Variants in CARNMT1 observed in about 807,000 individuals in gnomAD.
The protein encoded by CARNMT1 is carnosine N-methyltransferase 1.
Under a neutral mutation model 49.6 loss-of-function variants are expected in CARNMT1, and 28 were observed. The ratio of observed to expected loss-of-function variants is 0.56; its 90% confidence interval spans 0.42 to 0.77. The LOEUF (loss-of-function observed/expected upper bound fraction) is 0.77. Among genes scored for constraint, CARNMT1 ranks in the 30% least tolerant of loss-of-function variants. The probability of loss-of-function intolerance (pLI) is 0.00; values close to 1 mark genes in which losing one functional copy is unlikely to be tolerated. For missense variants in CARNMT1, 421 were observed against 512.6 expected (o/e 0.82, Z 1.73); for synonymous variants, 178 against 175.0 (o/e 1.02, Z -0.13).
At chr9:74,986,440 T>C (rs905943886) in intron 6 of CARNMT1, among the ~76,000 whole-genome samples, 9 of 152,226 alleles carry the variant, frequency 5.9e-5, no homozygotes, top group African/African-American at 2.2e-4. Flanking sequence ...AAATTTGTTA[T>C]ATTAGTACCA....
At chr9:75,013,634 A>G (rs892805877) in intron 3 of CARNMT1, among the ~76,000 whole-genome samples, 2 of 152,170 alleles carry the variant, frequency 1.3e-5, no homozygotes, top group African/African-American at 4.8e-5. Context: ...AGGATACACT[A>G]AGTGAAAAAA....
At chr9:75,012,298 T>A in intron 3 of CARNMT1, among the ~76,000 whole-genome samples, 1 of 151,360 alleles carries the variant, frequency 6.6e-6, no homozygotes. Context: ...TTTTTTTTTT[T>A]TTTTCTTTGA....
intron 3 of CARNMT1, among the ~76,000 whole-genome samples, chr9:75,006,897 A>G (rs143236432): frequency 3.3e-5 from 5 of 152,308 alleles, no homozygotes; most frequent in Admixed American, 6.5e-5. Context: ...ATTATCTAAT[A>G]ATGCCATGCC....
At chr9:75,005,825 A>AC (rs1833490211) in intron 3 of CARNMT1, among the ~76,000 whole-genome samples, 1 of 80,184 alleles carries the variant, frequency 1.2e-5, no homozygotes, top group Non-Finnish European at 2.6e-5. Context: ...CAGTGAAATT[A>AC]AAACACACAC....
chr9:74,981,966 A>G lies in CARNMT1; in HGVS notation c.*1801T>C, dbSNP rs1360607568. The G allele has an allele frequency of 6.6e-6, 1 of 151,750 alleles. No individual in the cohort carries two copies. Among genetic ancestry groups the G allele is most frequent in the Non-Finnish European group, 1.5e-5 (1 of 67,922 alleles). The allele number at this position is 151,750 out of a possible 1,614,324, so 9.4% of individuals were successfully genotyped here. ...AAACTCATTCATGTAAGTAATAAGA[A>G]TTTCCACCAAATGAACATCTGCTAA... On this transcript the variant is annotated 3_prime_UTR_variant, in exon 8 of 8. Coordinates refer to ENST00000376834, the MANE Select transcript of CARNMT1 (RefSeq NM_152420.3).
At chr9:75,027,329 C>A in intron 1 of CARNMT1, 2 of 815,488 alleles carry the variant, frequency 2.5e-6, no homozygotes, top group Non-Finnish European at 3.0e-6. Flanking sequence ...TACAGATTTG[C>A]AGAAAAAAAG....
intron 3 of CARNMT1, among the ~76,000 whole-genome samples, chr9:75,007,745 T>TAAA (rs1284886583): frequency 1.7e-5 from 2 of 119,078 alleles, no homozygotes; most frequent in African/African-American, 6.5e-5. Context: ...ATAAAAATAA[T>TAAA]AAAAAAAAAA....
chr9:74,992,909 T>G (rs756188654), intron 6 of CARNMT1, among the ~76,000 whole-genome samples: 7 of 152,216 alleles, frequency 4.6e-5, no homozygotes, highest in Non-Finnish European at 1.0e-4. Context: ...GGTTGATCTC[T>G]CAGTTTACAG....
chr9:75,027,653 A>T (rs1458161896), intron 1 of CARNMT1, among the ~76,000 whole-genome samples: 1 of 152,236 alleles, frequency 6.6e-6, no homozygotes, highest in Non-Finnish European at 1.5e-5. Flanking sequence ...TCAGCCCAGC[A>T]GTGGACGATT....
At chr9:74,991,646 T>A (rs1310423725) in intron 6 of CARNMT1, 1 of 152,214 alleles carries the variant, frequency 6.6e-6, no homozygotes, top group Non-Finnish European at 1.5e-5. Context: ...GTCTCTCACC[T>A]GAGCATGGAG....
rs1378493733 is a variant in CARNMT1, at chr9:74,982,866, T to C, written c.*901A>G. 4 of 152,212 alleles carry C rather than the reference T, an allele frequency of 2.6e-5. No homozygotes were observed. The highest frequency in any genetic ancestry group is 2.0e-4 in the Admixed American group (3 of 15,270). 9.4% of individuals were successfully genotyped at this position (152,212 alleles called of 1,614,324 possible). A position where few individuals can be genotyped will look rare whatever the true frequency, so the allele number is the denominator to read the frequency against. ...GGCTTTTTATTTCTCACTTTGAATG[T>C]TGAGATCTCGTATATTTCAAAGTGA... On this transcript the variant is annotated 3_prime_UTR_variant, in exon 8 of 8. Transcript: ENST00000376834.
intron 3 of CARNMT1, among the ~76,000 whole-genome samples, chr9:75,011,430 A>T (rs983139201): frequency 3.9e-5 from 6 of 152,124 alleles, no homozygotes; most frequent in African/African-American, 1.2e-4. Context: ...GGAATGCAGT[A>T]ATCTTATCAC....
rs1388229076 is a variant in CARNMT1, at chr9:74,999,701, CTATTTCCAGCAAAAA to C, written c.731+14_731+28del. The stretch of plus-strand genomic sequence containing the variant: ...AAGTCAATCTGATTCTGAGAAATTA[CTATTTCCAGCAAAAA>C]ATAAATTAAATACCTGTTGAGTACA... On this transcript the variant is annotated intron_variant, in intron 4 of 7. Transcript: ENST00000376834. The C allele has an allele frequency of 6.3e-7, 1 of 1,579,098 alleles. No individual in the cohort carries two copies. Among genetic ancestry groups the C allele is most frequent in the Non-Finnish European group, 8.6e-7 (1 of 1,165,544 alleles).
rs543489001 is a variant in CARNMT1, at chr9:75,000,515, C to T, written c.591-645G>A. On this transcript the variant is annotated intron_variant, in intron 3 of 7. Coordinates refer to ENST00000376834, the MANE Select transcript of CARNMT1 (RefSeq NM_152420.3). ...ATCTCTACCTACTAGCACCACACTG[C>T]CATTACATATTTCCTTCACGTAAGA... Among the ~76,000 whole-genome samples the T allele has an allele frequency of 5.6e-4, 85 of 152,214 alleles. 1 individual carries two copies. The highest frequency in any genetic ancestry group is 2.0e-3 in the African/African-American group (84 of 41,546).
chr9:74,997,091 A>G (rs1833209884), intron 5 of CARNMT1, among the ~76,000 whole-genome samples: 1 of 152,194 alleles, frequency 6.6e-6, no homozygotes, highest in African/African-American at 2.4e-5. Context: ...AACCCAGTAG[A>G]GAACACCGTT....
chr9:75,018,173 C>T (rs1465542925), intron 1 of CARNMT1, among the ~76,000 whole-genome samples: 1 of 152,078 alleles, frequency 6.6e-6, no homozygotes, highest in East Asian at 1.9e-4. Context: ...GCCATCCTCC[C>T]ACCTCAGCCT....
At chr9:75,019,611 C>T (rs1221977065) in intron 1 of CARNMT1, among the ~76,000 whole-genome samples, 1 of 152,144 alleles carries the variant, frequency 6.6e-6, no homozygotes, top group Non-Finnish European at 1.5e-5. Flanking sequence ...TTCACAAGCC[C>T]CTTAACTCAA....
chr9:75,027,249 G>A (rs1423637657), intron 1 of CARNMT1: 2 of 876,362 alleles, frequency 2.3e-6, no homozygotes, highest in Non-Finnish European at 3.2e-6. Context: ...GTGGAAGTTA[G>A]GGAGCTGTTT....
rs1292424484 is a variant in CARNMT1 at position 74,982,043 on chromosome 9, C to T, written c.*1724G>A. The T allele has an allele frequency of 1.4e-5, 2 of 147,298 alleles. No homozygotes were observed. The highest frequency in any genetic ancestry group is 2.5e-5 in the African/African-American group (1 of 40,128). The allele number at this position is 147,298 out of a possible 1,614,324, so 9.1% of individuals were successfully genotyped here. A position where few individuals can be genotyped will look rare whatever the true frequency, so the allele number is the denominator to read the frequency against. On this transcript the variant is annotated 3_prime_UTR_variant, in exon 8 of 8. Transcript: ENST00000376834. ...TCTTAAAAAAAAAAAAAAAAGGTTA[C>T]AGTCTTCCCAATTTTGACATGTCAG...
Sources: allele counts gnomAD v4.1 joint callset (sites outside exome capture counted in the v4.1 genomes callset), GRCh38; gene constraint gnomAD v4.1.1; transcripts MANE v1.5; gene names NCBI Gene and HGNC (gene_info 2026-07-23, HGNC 2026-07-21).